Variants in DYNC1I1 observed in about 807,000 individuals in gnomAD.
The protein encoded by DYNC1I1 is dynein cytoplasmic 1 intermediate chain 1.
Under a neutral mutation model 86.6 loss-of-function variants are expected in DYNC1I1, and 43 were observed. The ratio of observed to expected loss-of-function variants is 0.50; its 90% CI spans 0.39 to 0.64. DYNC1I1 has a LOEUF of 0.64. Ranked by LOEUF, DYNC1I1 falls within the 30% of genes least tolerant of loss-of-function variation. The probability of loss-of-function intolerance (pLI) is 0.00; values close to 1 mark genes in which losing one functional copy is unlikely to be tolerated. For synonymous variants in DYNC1I1, 262 were observed against 283.7 expected (o/e 0.92, Z 0.77); for missense variants, 604 against 788.8 (o/e 0.77, Z 2.81).
At chr7:95,915,712 A>G (rs748310772) in intron 6 of DYNC1I1, among the ~76,000 whole-genome samples, 1 of 152,254 alleles carries the variant, frequency 6.6e-6, no homozygotes, top group East Asian at 1.9e-4. Flanking sequence ...CTCGTTGTCA[A>G]TGAAATGAAA....
At chr7:95,856,391 TTTTCA>T (rs1789724455) in intron 5 of DYNC1I1, among the ~76,000 whole-genome samples, 1 of 152,224 alleles carries the variant, frequency 6.6e-6, no homozygotes, top group African/African-American at 2.4e-5. Flanking sequence ...AATGTCACAC[TTTTCA>T]GAAATATGTC....
chr7:96,005,929 A>T (rs1053131792), intron 10 of DYNC1I1, among the ~76,000 whole-genome samples: 1 of 152,206 alleles, frequency 6.6e-6, no homozygotes, highest in Non-Finnish European at 1.5e-5. Context: ...AAATATAAAA[A>T]GTAGAACTGT....
chr7:95,813,269 C>T lies in DYNC1I1; in HGVS notation c.246C>T (p.Ser82=), dbSNP rs755624623. ...TAGTCCCAACCCCTATGTCTCCCTCCTCGAAATCAGTGAGCACTCCCAGTG... is the reference window on the plus strand; with the variant it reads ...TAGTCCCAACCCCTATGTCTCCCTCTTCGAAATCAGTGAGCACTCCCAGTG... ...PPLVPTPMSP[S]SKSVSTPSEA... Residue 82 remains serine (S), a synonymous_variant, in exon 4 of 17, where the codon TCC becomes TCT. Coordinates refer to ENST00000447467, the MANE Select transcript of DYNC1I1 (RefSeq NM_001135556.2). 30 of 1,612,772 alleles carry T rather than the reference C, an allele frequency of 1.9e-5. No individual in the cohort carries two copies. Among genetic ancestry groups the T allele is most frequent in the Non-Finnish European group, 2.5e-5 (30 of 1,179,516 alleles).
intron 6 of DYNC1I1, among the ~76,000 whole-genome samples, chr7:95,884,812 G>A (rs1161317685): frequency 2.6e-5 from 4 of 151,154 alleles, no homozygotes; most frequent in Admixed American, 6.6e-5. Flanking sequence ...AAAAATAAGC[G>A]TAATAGAGAC....
At chr7:95,955,301 G>T (rs1326002965) in intron 6 of DYNC1I1, among the ~76,000 whole-genome samples, 1 of 151,836 alleles carries the variant, frequency 6.6e-6, no homozygotes, top group Non-Finnish European at 1.5e-5. Context: ...ATTTGCAACA[G>T]ATTGGAAATT....
At chr7:95,953,914 C>T (rs986587638) in intron 6 of DYNC1I1, among the ~76,000 whole-genome samples, 14 of 152,110 alleles carry the variant, frequency 9.2e-5, no homozygotes, top group Non-Finnish European at 1.6e-4. Context: ...GGCACAAACA[C>T]CTTGGTTCAA....
chr7:95,992,023 T>C lies in DYNC1I1; in HGVS notation c.844-3925T>C, dbSNP rs1396201223. 7.2e-5 allele frequency among the ~76,000 whole-genome samples: 11 copies of C among 151,936 alleles called. No individual in the cohort carries two copies. The East Asian group carries it at 2.1e-3, about 30-fold the overall frequency. Reference sequence around the variant, plus strand: ...TACAGGAGCAAGCCACCAGGGCTGGTTAATTTTTGTATTTTTAGTAGAGAC... The same window carrying C: ...TACAGGAGCAAGCCACCAGGGCTGGCTAATTTTTGTATTTTTAGTAGAGAC... On this transcript the variant is annotated intron_variant, in intron 9 of 16. Coordinates refer to ENST00000447467, the MANE Select transcript of DYNC1I1 (RefSeq NM_001135556.2).
chr7:96,022,043 A>G (rs1050138132), intron 10 of DYNC1I1, among the ~76,000 whole-genome samples: 12 of 152,306 alleles, frequency 7.9e-5, no homozygotes, highest in African/African-American at 1.7e-4. Flanking sequence ...TTGGTGGGAC[A>G]TATGATAATT....
At position 95,874,783 on chromosome 7, in the gene DYNC1I1, T is replaced by G. The variant is rs865827725; in HGVS notation, c.490+4785T>G. 2.6e-5 allele frequency among the ~76,000 whole-genome samples: 4 copies of G among 152,330 alleles called. No individual in the cohort carries two copies. The South Asian group carries it at 8.3e-4, about 32-fold the overall frequency. ...CCAGAAAATGAACTGGCTGGCACCT[T>G]GATCTTGGACTTCCCAGCTTCCAGA... On this transcript the variant is annotated intron_variant, in intron 6 of 16. Transcript: ENST00000447467.
chr7:95,950,700 G>C (rs1158262873), intron 6 of DYNC1I1, among the ~76,000 whole-genome samples: 2 of 152,146 alleles, frequency 1.3e-5, no homozygotes, highest in African/African-American at 4.8e-5. Flanking sequence ...AAAGAATTGG[G>C]AAGCAATGCT....
chr7:95,777,965 T>C (rs1442470737), intron 1 of DYNC1I1, among the ~76,000 whole-genome samples: 2 of 152,224 alleles, frequency 1.3e-5, no homozygotes, highest in Non-Finnish European at 2.9e-5. Flanking sequence ...ACAATTAATG[T>C]GATTTTCAGA....
intron 6 of DYNC1I1, among the ~76,000 whole-genome samples, chr7:95,971,026 A>G (rs887368294): frequency 6.6e-6 from 1 of 152,170 alleles, no homozygotes; most frequent in Non-Finnish European, 1.5e-5. Flanking sequence ...AATTGAGGGC[A>G]GTGCTCAGGT....
Position 96,080,413 on chromosome 7 carries a change from T to G in DYNC1I1, c.1701T>G (p.Val567=), listed in dbSNP as rs756954294. 1 of 1,614,134 alleles carries G rather than the reference T, an allele frequency of 6.2e-7. No homozygotes were observed. The highest frequency in any genetic ancestry group is 8.5e-7 in the Non-Finnish European group (1 of 1,179,988). The change falls in exon 16 of 17, where the codon GTT becomes GTG. Residue 567 remains valine, a synonymous_variant. Transcript: ENST00000447467. ...AGGGGGCATCCGCCCTAAACCGTGT[T>G]CGTTGGGCCCAAGCTGGCAAAGAAG... ...AIEGASALNR[V]RWAQAGKEVA... is the part of the protein sequence containing the mutation.
At chr7:96,030,422 C>CT (rs1407667013) in intron 11 of DYNC1I1, among the ~76,000 whole-genome samples, 11 of 149,046 alleles carry the variant, frequency 7.4e-5, no homozygotes, top group African/African-American at 2.5e-4. Flanking sequence ...CATTACACCT[C>CT]TTTTTTCTCT....
At chr7:95,802,373 C>T (rs1443752802) in intron 1 of DYNC1I1, among the ~76,000 whole-genome samples, 1 of 152,188 alleles carries the variant, frequency 6.6e-6, no homozygotes, top group African/African-American at 2.4e-5. Context: ...CTACTTCTGT[C>T]TCCACATTCG....
chr7:96,102,771 C>T (rs1255044053), downstream of DYNC1I1, among the ~76,000 whole-genome samples: 3 of 151,974 alleles, frequency 2.0e-5, no homozygotes, highest in African/African-American at 7.3e-5. Flanking sequence ...TTGGCAAGTC[C>T]CAGTTGGAAA....
At chr7:95,890,532 T>C (rs116010105) in intron 6 of DYNC1I1, among the ~76,000 whole-genome samples, 1,968 of 152,208 alleles carry the variant, frequency 0.013, 29 homozygotes, top group African/African-American at 0.043. Context: ...AACAAACCCC[T>C]GTGACACAAA....
At chr7:95,957,615 T>C (rs1332546317) in intron 6 of DYNC1I1, among the ~76,000 whole-genome samples, 6 of 152,192 alleles carry the variant, frequency 3.9e-5, no homozygotes, top group Admixed American at 1.3e-4. Flanking sequence ...CAGGTGCTCT[T>C]GCAGCCCATG....
chr7:95,943,143 T>C (rs1283392374), intron 6 of DYNC1I1, among the ~76,000 whole-genome samples: 2 of 148,696 alleles, frequency 1.3e-5, no homozygotes, highest in African/African-American at 5.0e-5. Flanking sequence ...CAGCCCAAAA[T>C]CTCCTTAAGC....
Sources: allele counts gnomAD v4.1 joint callset (sites outside exome capture counted in the v4.1 genomes callset), GRCh38; gene constraint gnomAD v4.1.1; transcripts MANE v1.5; gene names NCBI Gene and HGNC (gene_info 2026-07-23, HGNC 2026-07-21).